The following GARRE1 variants were observed in gnomAD, a reference collection of about 807,000 sequenced individuals.
GARRE1 encodes granule associated Rac and RHOG effector 1.
A neutral mutation model predicts 103.2 loss-of-function variants in GARRE1; 49 were observed. That is an observed-to-expected ratio of 0.47 (90% confidence interval 0.38 to 0.60). GARRE1 has a LOEUF of 0.60. Among genes scored for constraint, GARRE1 ranks in the 20% least tolerant of loss-of-function variants. The pLI is 0.00. For synonymous variants in GARRE1, 505 were observed against 532.8 expected (o/e 0.95, Z 0.72); for missense variants, 1,199 against 1,370.5 (o/e 0.87, Z 1.98).
chr19:34,273,877 G>C (rs2073802074), intron 1 of GARRE1, among the ~76,000 whole-genome samples: 1 of 152,132 alleles, frequency 6.6e-6, no homozygotes, highest in Admixed American at 6.6e-5. Context: ...GGAAGTGGGT[G>C]GTGTTGGGGC....
intron 1 of GARRE1, among the ~76,000 whole-genome samples, chr19:34,286,178 CAAAA>C (rs1293688223): frequency 6.6e-6 from 1 of 151,904 alleles, no homozygotes; most frequent in Non-Finnish European, 1.5e-5. Flanking sequence ...CAAAACAAAA[CAAAA>C]AAACTTATTT....
intron 2 of GARRE1, among the ~76,000 whole-genome samples, chr19:34,314,437 TTGTA>T (rs2074050935): frequency 6.6e-6 from 1 of 152,162 alleles, no homozygotes; most frequent in Admixed American, 6.5e-5. Flanking sequence ...TTAGAACTAT[TTGTA>T]TGTTTGTATA....
chr19:34,347,413 G>A (rs1046236817), intron 10 of GARRE1, among the ~76,000 whole-genome samples: 1 of 152,144 alleles, frequency 6.6e-6, no homozygotes, highest in African/African-American at 2.4e-5. Flanking sequence ...TTTTTGTAGA[G>A]ATGAGGTTTT....
Position 34,351,178 on chromosome 19 carries a change from A to C in GARRE1, c.2826-336A>C, listed in dbSNP as rs548107807. Among the ~76,000 whole-genome samples the C allele has an allele frequency of 6.5e-3, 955 of 147,696 alleles. 6 individuals carry two copies. Among genetic ancestry groups the C allele is most frequent in the Admixed American group, 0.011 (156 of 14,724 alleles). ...CATGCCACTGCACTCCAGCCTGGGA[A>C]ACAGTGAGACTCAGTCTCAAAAAAA... On this transcript the variant is annotated intron_variant, in intron 12 of 13. Coordinates refer to ENST00000299505, the MANE Select transcript of GARRE1 (RefSeq NM_014686.5).
intron 1 of GARRE1, chr19:34,296,198 G>A: frequency 2.1e-6 from 1 of 479,202 alleles, no homozygotes; most frequent in Non-Finnish European, 3.7e-6. Context: ...TAGCACAGGA[G>A]GATCCCCGCC....
chr19:34,303,354 G>T (rs376418849), intron 2 of GARRE1, among the ~76,000 whole-genome samples: 2 of 152,170 alleles, frequency 1.3e-5, no homozygotes, highest in African/African-American at 4.8e-5. Context: ...TTTTGGGTCG[G>T]ATCTGATTAT....
At chr19:34,335,338 A>T (rs1396044398) in intron 8 of GARRE1, among the ~76,000 whole-genome samples, 4 of 152,214 alleles carry the variant, frequency 2.6e-5, no homozygotes, top group Admixed American at 2.6e-4. Context: ...TTATTAATAA[A>T]CAGGAAAAAC....
chr19:34,307,625 A>G (rs2074013551), intron 2 of GARRE1, among the ~76,000 whole-genome samples: 1 of 144,328 alleles, frequency 6.9e-6, no homozygotes, highest in Admixed American at 7.3e-5. Flanking sequence ...ATATACTTAT[A>G]TATACATATA....
Position 34,349,123 on chromosome 19 carries a change from C to T in GARRE1, c.2795C>T (p.Pro932Leu). ...GDSLFSMFSG[P>L]DLVAAVKQRR... ...AGCTTGTTCTCCATGTTTTCAGGGC[C>T]TGACCTCGTTGCTGCTGTCAAGCAG... The change falls in exon 12 of 14, where the codon CCT becomes CTT. Residue 932 changes from proline to leucine, a missense_variant. By Grantham distance (98) the Pro-to-Leu change is moderately conservative (BLOSUM62 -3). Transcript: ENST00000299505. The T allele has an allele frequency of 1.1e-5, 18 of 1,612,866 alleles. No homozygotes were observed. Among genetic ancestry groups the T allele is most frequent in the Non-Finnish European group, 1.5e-5 (18 of 1,180,014 alleles).
At position 34,328,089 on chromosome 19, in the gene GARRE1, T is replaced by C; in HGVS notation, c.1042T>C (p.Ser348Pro). 1 of 1,614,146 alleles carries C rather than the reference T, an allele frequency of 6.2e-7. No homozygotes were observed. Among genetic ancestry groups the C allele is most frequent in the Non-Finnish European group, 8.5e-7 (1 of 1,180,018 alleles). ...CCCCACCGTCCCTGTGCAGATAGGA[T>C]CGCACTTCCTGAAGGGCGTCTCCTT... is the stretch of plus-strand genomic sequence containing the variant. ...ELPTVPVQIGSHFLKGVSFNE... is the reference protein window; with the variant it reads ...ELPTVPVQIGPHFLKGVSFNE... The change falls in exon 6 of 14, where the codon TCG becomes CCG. Residue 348 changes from serine (S) to proline (P), a missense_variant. Ser to Pro is a moderately conservative substitution (Grantham distance 74, BLOSUM62 -1). Transcript: ENST00000299505.
chr19:34,316,380 C>T (rs2074060550), intron 2 of GARRE1, among the ~76,000 whole-genome samples: 1 of 152,230 alleles, frequency 6.6e-6, no homozygotes, highest in African/African-American at 2.4e-5. Context: ...GTCCAGGAAA[C>T]TTTCTCCATG....
intron 8 of GARRE1, among the ~76,000 whole-genome samples, chr19:34,334,736 C>T (rs1314587249): frequency 2.7e-5 from 4 of 149,964 alleles, no homozygotes; most frequent in Non-Finnish European, 5.9e-5. Context: ...TATAACTTCA[C>T]CTAAAAATCA....
intron 6 of GARRE1, among the ~76,000 whole-genome samples, chr19:34,329,988 A>G (rs990361267): frequency 3.9e-5 from 6 of 152,180 alleles, no homozygotes; most frequent in African/African-American, 1.4e-4. Flanking sequence ...GGAGGCTTGA[A>G]GCAGGAGAAT....
rs534493873 is a variant in GARRE1 at position 34,322,009 on chromosome 19, G to A, written c.705+1893G>A. Among the ~76,000 whole-genome samples, 6 of 152,242 alleles carry A rather than the reference G, an allele frequency of 3.9e-5. No homozygotes were observed. In the East Asian group the frequency reaches 5.8e-4, roughly 15 times the overall value. On this transcript the variant is annotated intron_variant, in intron 3 of 13. Coordinates refer to ENST00000299505, the MANE Select transcript of GARRE1 (RefSeq NM_014686.5). ...ACTAAATGGTGGGCTGCAGGGAGCC[G>A]CTCCGGTGGGGGGATTCTAGCCTAG... is the stretch of plus-strand genomic sequence containing the variant.
At position 34,300,962 on chromosome 19, in the gene GARRE1, CATTGAGGTAGAGT is replaced by C. The variant is rs2073976015; in HGVS notation, c.492_495+9del. 1 of 1,596,772 alleles carries C rather than the reference CATTGAGGTAGAGT, an allele frequency of 6.3e-7. No individual in the cohort carries two copies. The highest frequency in any genetic ancestry group is 1.3e-5 in the African/African-American group (1 of 74,840). ...ATCAGAAGGAATTCAGTCTCCAGGA[CATTGAGGTAGAGT>C]ATCTTTTGTGTCATACTTGTGTAGG... On this transcript the variant is annotated splice_donor_variant and splice_donor_5th_base_variant and coding_sequence_variant and intron_variant, in exon 2 of 14. Transcript: ENST00000299505. LOFTEE classifies it high-confidence loss of function.
intron 10 of GARRE1, among the ~76,000 whole-genome samples, chr19:34,345,848 A>G (rs921119327): frequency 1.3e-5 from 2 of 152,226 alleles, no homozygotes; most frequent in African/African-American, 4.8e-5. Context: ...TAATAAATGA[A>G]TAAGAATGTT....
At chr19:34,275,561 C>G (rs2073812195) in intron 1 of GARRE1, among the ~76,000 whole-genome samples, 1 of 152,142 alleles carries the variant, frequency 6.6e-6, no homozygotes, top group South Asian at 2.1e-4. Flanking sequence ...GTACTTTATT[C>G]CTTTTCATGG....
chr19:34,298,862 A>G (rs1383073560), intron 1 of GARRE1, among the ~76,000 whole-genome samples: 1 of 152,170 alleles, frequency 6.6e-6, no homozygotes, highest in African/African-American at 2.4e-5. Flanking sequence ...TGTTGTAGGT[A>G]TCAGAAACTA....
intron 7 of GARRE1, among the ~76,000 whole-genome samples, chr19:34,332,451 TA>T (rs75968700): frequency 6.2e-3 from 880 of 142,256 alleles, no homozygotes; most frequent in Non-Finnish European, 6.2e-3. Flanking sequence ...CACTGTAGAT[TA>T]AAAAAAAAAA....
Sources: allele counts gnomAD v4.1 joint callset (sites outside exome capture counted in the v4.1 genomes callset), GRCh38; gene constraint gnomAD v4.1.1; transcripts MANE v1.5; gene names NCBI Gene and HGNC (gene_info 2026-07-23, HGNC 2026-07-21).